TTC16: variants seen among roughly 807,000 people sequenced by gnomAD.
TTC16 encodes the protein tetratricopeptide repeat domain 16.
Under a neutral mutation model 80.4 loss-of-function variants are expected in TTC16, and 66 were observed. The observed-to-expected ratio is 0.82, with a 90% CI of 0.67 to 1.01. The LOEUF is 1.01. TTC16 is among the 50% of genes least tolerant of loss of function. TTC16 has a pLI of 0.00. For synonymous variants in TTC16, 438 were observed against 451.3 expected (o/e 0.97, Z 0.37); for missense variants, 1,070 against 1,103.2 (o/e 0.97, Z 0.43).
At chr9:127,720,518 G>T in intron 6 of TTC16, 123 bp downstream of exon 6, 1 of 1,292,322 alleles carries the variant, frequency 7.7e-7, no homozygotes, top group Non-Finnish European at 1.1e-6. Context: ...AGTGCAGTGG[G>T]TGCTGTCCTC....
At chr9:127,729,303 A>C (rs1844203405) in intron 12 of TTC16, 1 of 404,004 alleles carries the variant, frequency 2.5e-6, no homozygotes, top group Admixed American at 3.9e-5. Context: ...CCTGTTCCAC[A>C]CCTGAACTAA....
intron 13 of TTC16, chr9:127,730,214 TC>T: frequency 4.2e-6 from 1 of 239,796 alleles, no homozygotes; most frequent in Non-Finnish European, 8.1e-6. Flanking sequence ...GGAAGAAGGC[TC>T]CCAGGTGACC....
Position 127,729,583 on chromosome 9 carries a change from G to GA in TTC16, c.1773dup (p.Ser592IlefsTer6), listed in dbSNP as rs757461094. 6.6e-5 allele frequency: 107 copies of GA among 1,613,742 alleles called. No homozygotes were observed. Among genetic ancestry groups the GA allele is most frequent in the Non-Finnish European group, 7.6e-5 (90 of 1,179,960 alleles). ...ACAAAGCCTGTTTCTTGCCATAGGAGAAAAAATCAGAGCTCATACCTAGCA... is the reference window on the plus strand; with the variant it reads ...ACAAAGCCTGTTTCTTGCCATAGGAGAAAAAAATCAGAGCTCATACCTAGCA... On this transcript the variant is annotated frameshift_variant, in exon 13 of 14. Transcript: ENST00000373289. LOFTEE classifies it high-confidence loss of function.
rs976837807 is a variant in TTC16, at chr9:127,724,108, C to CT, written c.873-12_873-11insT. 2.3e-5 allele frequency: 37 copies of CT among 1,596,052 alleles called. No individual in the cohort carries two copies. The highest frequency in any genetic ancestry group is 3.0e-5 in the Non-Finnish European group (35 of 1,170,056). On this transcript the variant is annotated splice_polypyrimidine_tract_variant and intron_variant, in intron 7 of 13. Coordinates refer to ENST00000373289, the MANE Select transcript of TTC16 (RefSeq NM_144965.3). ...ATGTCCCTCCTGCCGTCTCCCACGCCCCCCCCGACAGGGGCACCATGTACC... is the reference window on the plus strand; with the variant it reads ...ATGTCCCTCCTGCCGTCTCCCACGCCTCCCCCCGACAGGGGCACCATGTACC...
At position 127,724,107 on chromosome 9, in the gene TTC16, C is replaced by G; in HGVS notation, c.873-13C>G. The stretch of plus-strand genomic sequence containing the variant: ...CATGTCCCTCCTGCCGTCTCCCACG[C>G]CCCCCCCGACAGGGGCACCATGTAC... On this transcript the variant is annotated splice_polypyrimidine_tract_variant and intron_variant, in intron 7 of 13. Coordinates refer to ENST00000373289, the MANE Select transcript of TTC16 (RefSeq NM_144965.3). 1 of 1,443,354 alleles carries G rather than the reference C, an allele frequency of 6.9e-7. No individual in the cohort carries two copies. The allele number at this position is 1,443,354 out of a possible 1,614,324, so 89.4% of individuals were successfully genotyped here.
chr9:127,720,209 C>T, intron 5 of TTC16, 31 bp downstream of exon 5: 1 of 1,613,528 alleles, frequency 6.2e-7, no homozygotes, highest in Non-Finnish European at 8.5e-7. Context: ...CTTCTCCCAG[C>T]ACCCACTTCC....
intron 6 of TTC16, among the ~76,000 whole-genome samples, chr9:127,720,872 C>T (rs1843431178): frequency 1.8e-5 from 1 of 54,478 alleles, no homozygotes; most frequent in Non-Finnish European, 3.7e-5. Flanking sequence ...CCCCTTTCTC[C>T]CTCCCCCTTC....
chr9:127,724,231 C>T lies in TTC16; in HGVS notation c.984C>T (p.Arg328=). The T allele has an allele frequency of 6.2e-7, 1 of 1,613,106 alleles. No individual in the cohort carries two copies. The highest frequency in any genetic ancestry group is 1.1e-5 in the South Asian group (1 of 91,086). Residue 328 remains arginine (R), a synonymous_variant, in exon 8 of 14, where the codon CGC becomes CGT. Coordinates refer to ENST00000373289, the MANE Select transcript of TTC16 (RefSeq NM_144965.3). ...DQEDMVRQAQ[R]QLLLTYNDFA... is the part of the protein sequence containing the mutation. ...AGGACATGGTGCGGCAGGCACAGCG[C>T]CAGCTGTTGCTGACCTACAACGACT...
At chr9:127,726,067 C>T (rs10987724) in intron 9 of TTC16, among the ~76,000 whole-genome samples, 172 bp from the exon 10 acceptor site, 4 of 152,156 alleles carry the variant, frequency 2.6e-5, no homozygotes, top group African/African-American at 4.8e-5. Context: ...ACACTGGCAT[C>T]GAAGTGTTGG....
At chr9:127,721,958 G>T (rs973223195) in intron 6 of TTC16, among the ~76,000 whole-genome samples, 1 of 152,138 alleles carries the variant, frequency 6.6e-6, no homozygotes, top group Non-Finnish European at 1.5e-5. Flanking sequence ...CACTGCGCCC[G>T]GCTGAGACTA....
Position 127,727,398 on chromosome 9 carries a change from C to T in TTC16, c.1697C>T (p.Pro566Leu), listed in dbSNP as rs781346259. Residue 566 changes from proline (P) to leucine (L), a missense_variant, in exon 12 of 14, where the codon CCG becomes CTG. Pro to Leu is a moderately conservative substitution (Grantham distance 98, BLOSUM62 -3). Transcript: ENST00000373289. Reference sequence around the variant, plus strand: ...ACCCCTGAGATTCCGCAGGTAAAACCGGGAAGCTCAGAGGGAGAGGCTGAG... The same window carrying T: ...ACCCCTGAGATTCCGCAGGTAAAACTGGGAAGCTCAGAGGGAGAGGCTGAG... ...KATPEIPQVK[P>L]GSSEGEAEAP... is the part of the protein sequence containing the mutation. 23 of 1,610,790 alleles carry T rather than the reference C, an allele frequency of 1.4e-5. No individual in the cohort carries two copies. The Admixed American group carries it at 1.8e-4, about 13-fold the overall frequency.
intron 12 of TTC16, 108 bp from the exon 13 acceptor site, chr9:127,729,473 C>A: frequency 1.1e-6 from 1 of 896,548 alleles, no homozygotes; most frequent in Non-Finnish European, 1.8e-6. Flanking sequence ...CAAAGACCTC[C>A]AAGCTCAGGA....
rs753496466 is a variant in TTC16 at position 127,731,112 on chromosome 9, G to T, written c.2329G>T (p.Ala777Ser). 6.2e-7 allele frequency: 1 copy of T among 1,611,684 alleles called. No individual in the cohort carries two copies. The highest frequency in any genetic ancestry group is 8.5e-7 in the Non-Finnish European group (1 of 1,179,406). The change falls in exon 14 of 14, where the codon GCT becomes TCT. Residue 777 changes from alanine (A) to serine (S), a missense_variant. Physicochemically the swap from Ala to Ser is moderately conservative, Grantham distance 99. Transcript: ENST00000373289. ...SPRQRPRKVK[A>S]ARGRSWRPSK... ...AAGGCAGAGGCCCAGAAAGGTCAAGGCTGCTCGTGGCCGGAGCTGGAGACC... is the reference window on the plus strand; with the variant it reads ...AAGGCAGAGGCCCAGAAAGGTCAAGTCTGCTCGTGGCCGGAGCTGGAGACC...
At chr9:127,716,794 G>A (rs1843053900) in intron 1 of TTC16, 50 bp from the exon 2 acceptor site, 1 of 1,570,292 alleles carries the variant, frequency 6.4e-7, no homozygotes, top group African/African-American at 1.4e-5. Flanking sequence ...GTGTCAGTGG[G>A]TGGGGGTCGT....
chr9:127,730,967 C>T lies in TTC16; in HGVS notation c.2184C>T (p.Gly728=). The T allele has an allele frequency of 6.2e-7, 1 of 1,612,720 alleles. No individual in the cohort carries two copies. Among genetic ancestry groups the T allele is most frequent in the Non-Finnish European group, 8.5e-7 (1 of 1,179,744 alleles). The change falls in exon 14 of 14, where the codon GGC becomes GGT. Residue 728 remains glycine (G), a synonymous_variant. Transcript: ENST00000373289. ...CCAGCAAGACCAGGGCCACCCAGGG[C>T]CAGGGGCAGAGCTCCAGCAAGACTG... ...RNSSKTRATQ[G]QGQSSSKTEA...
At chr9:127,717,549 C>T (rs1268237088) in intron 3 of TTC16, 80 bp from the exon 4 acceptor site, 2 of 1,583,868 alleles carry the variant, frequency 1.3e-6, no homozygotes, top group African/African-American at 2.7e-5. Context: ...TGTCAACTCT[C>T]AGGGGGGTGG....
chr9:127,724,766 C>G lies in TTC16; in HGVS notation c.1128C>G (p.Phe376Leu). The G allele has an allele frequency of 1.2e-6, 2 of 1,610,242 alleles. No homozygotes were observed. Among genetic ancestry groups the G allele is most frequent in the Non-Finnish European group, 8.5e-7 (1 of 1,179,334 alleles). Residue 376 changes from phenylalanine (F) to leucine (L), a missense_variant, in exon 9 of 14, where the codon TTC becomes TTG. By Grantham distance (22) the Phe-to-Leu change is conservative. Coordinates refer to ENST00000373289, the MANE Select transcript of TTC16 (RefSeq NM_144965.3). ...GLYINRGDCFFQLGNLAFAEA... is the reference protein window; with the variant it reads ...GLYINRGDCFLQLGNLAFAEA... ...GCCTCCGGACCCTAGATTGCTTCTT[C>G]CAGCTGGGCAACCTGGCCTTTGCCG...
At chr9:127,727,677 G>A in intron 12 of TTC16, 2 of 1,035,398 alleles carry the variant, frequency 1.9e-6, no homozygotes, top group Non-Finnish European at 1.3e-6. Context: ...GGGGATGTGG[G>A]CCCTCAGAGA....
At chr9:127,727,568 G>T (rs1438402876) in intron 12 of TTC16, 103 bp downstream of exon 12, 1 of 1,460,276 alleles carries the variant, frequency 6.8e-7, no homozygotes, top group Non-Finnish European at 9.1e-7. Context: ...TGGCTTCCAG[G>T]CCTGGCTCTG....
Sources: allele counts gnomAD v4.1 joint callset (sites outside exome capture counted in the v4.1 genomes callset), GRCh38; gene constraint gnomAD v4.1.1; transcripts MANE v1.5; gene names NCBI Gene and HGNC (gene_info 2026-07-23, HGNC 2026-07-21).